Variants in GPX6 observed in about 807,000 individuals in gnomAD.
The protein encoded by GPX6 is glutathione peroxidase 6.
Under a neutral mutation model 20.0 loss-of-function variants are expected in GPX6, and 21 were observed. The observed-to-expected ratio is 1.05, with a 90% CI of 0.74 to 1.51. GPX6 has a LOEUF of 1.51. Ranked by LOEUF, GPX6 falls within the 40% of genes most tolerant of loss-of-function variation. GPX6 has a pLI of 0.00. For missense variants in GPX6, 233 were observed against 254.7 expected, an observed-to-expected ratio of 0.91 and a Z score of 0.58; for synonymous variants, 75 against 98.0, an observed-to-expected ratio of 0.77 and a Z score of 1.38.
At chr6:28,512,110 G>A (rs1762890040) in intron 1 of GPX6, among the ~76,000 whole-genome samples, 1 of 152,230 alleles carries the variant, frequency 6.6e-6, no homozygotes, top group Admixed American at 6.5e-5. Context: ...CCTCCCCGAC[G>A]AGCACCGCCC....
intron 2 of GPX6, 34 bp from the exon 3 acceptor site, chr6:28,506,463 G>T (rs1185505586): frequency 8.0e-7 from 1 of 1,244,182 alleles, no homozygotes; most frequent in Non-Finnish European, 1.2e-6. Context: ...GGGGTGGGCT[G>T]GTCAGGAGGC....
intron 1 of GPX6, among the ~76,000 whole-genome samples, chr6:28,512,192 C>T (rs778530279): frequency 1.3e-5 from 2 of 152,260 alleles, no homozygotes; most frequent in African/African-American, 2.4e-5. Flanking sequence ...GCGGGACTGG[C>T]AGGCAGCTCG....
chr6:28,504,188 G>T lies in GPX6; in HGVS notation c.*104C>A. The T allele has an allele frequency of 8.9e-7, 1 of 1,124,676 alleles. No individual in the cohort carries two copies. The highest frequency in any genetic ancestry group is 1.3e-6 in the Non-Finnish European group (1 of 764,652). 69.7% of individuals were successfully genotyped at this position (1,124,676 alleles called of 1,614,324 possible). A position where few individuals can be genotyped will look rare whatever the true frequency, so the allele number is the denominator to read the frequency against. On this transcript the variant is annotated 3_prime_UTR_variant, in exon 5 of 5. Transcript: ENST00000361902. ...GGATGGTTTGGTCATCAGGAGGCTG[G>T]GTAGGCACGAGTGTGGAGCAAAGAA...
In GPX6 at chr6:28,504,099, T is replaced by TACACACACACAC. The variant is rs55919532; in HGVS notation, c.*181_*192dup. ...CAACAAATACAATTCTACATATCCATACACACACACACACACACACACACA... is the reference window on the plus strand; with the variant it reads ...CAACAAATACAATTCTACATATCCATACACACACACACACACACACACACACACACACACACA... On this transcript the variant is annotated 3_prime_UTR_variant, in exon 5 of 5. Transcript: ENST00000361902. 4.7e-3 allele frequency: 2,652 copies of TACACACACACAC among 565,400 alleles called. 11 individuals carry two copies. Among genetic ancestry groups the TACACACACACAC allele is most frequent in the East Asian group, 0.033 (1,100 of 33,744 alleles). 35.0% of individuals were successfully genotyped at this position (565,400 alleles called of 1,614,324 possible).
At chr6:28,515,540 G>A in intron 1 of GPX6, 117 bp downstream of exon 1, 1 of 724,664 alleles carries the variant, frequency 1.4e-6, no homozygotes, top group Middle Eastern at 3.8e-4. Flanking sequence ...GTGAAGAAGG[G>A]CTGGGAATGC....
rs559263655 is a variant in GPX6, at chr6:28,503,608, C to G, written c.*684G>C. On this transcript the variant is annotated 3_prime_UTR_variant, in exon 5 of 5. Transcript: ENST00000361902. ...CCTGAATGCACTAAGGGACAGGCAC[C>G]AAGGAAGGCTCTGGCAGGGTGCGAC... 1 of 152,430 alleles carries G rather than the reference C, an allele frequency of 6.6e-6. No individual in the cohort carries two copies. Among genetic ancestry groups the G allele is most frequent in the African/African-American group, 2.4e-5 (1 of 41,546 alleles). The allele number at this position is 152,430 out of a possible 1,614,324, so 9.4% of individuals were successfully genotyped here. A position where few individuals can be genotyped will look rare whatever the true frequency, so the allele number is the denominator to read the frequency against.
chr6:28,507,953 TTGTGTA>T (rs1237093540), intron 2 of GPX6, among the ~76,000 whole-genome samples: 4 of 152,250 alleles, frequency 2.6e-5, no homozygotes, highest in Admixed American at 6.5e-5. Context: ...GTGTGTATGT[TTGTGTA>T]TGTGTATGTG....
At chr6:28,513,863 A>G (rs188254240) in intron 1 of GPX6, among the ~76,000 whole-genome samples, 29 of 152,290 alleles carry the variant, frequency 1.9e-4, no homozygotes, top group African/African-American at 6.7e-4. Context: ...ACTCTTTATC[A>G]TCTTCTGAGT....
intron 1 of GPX6, among the ~76,000 whole-genome samples, chr6:28,512,615 C>G (rs1049974125): frequency 9.2e-5 from 14 of 152,168 alleles, no homozygotes; most frequent in African/African-American, 2.4e-4. Context: ...AGGCGGCTGC[C>G]GGAGCCAGCA....
intron 2 of GPX6, among the ~76,000 whole-genome samples, chr6:28,508,448 T>G (rs1033105592): frequency 1.3e-5 from 2 of 152,132 alleles, no homozygotes; most frequent in African/African-American, 4.8e-5. Context: ...TTGTTTGGGC[T>G]CTTATAATAA....
chr6:28,513,283 C>G (rs1249919216), intron 1 of GPX6, among the ~76,000 whole-genome samples: 2 of 152,174 alleles, frequency 1.3e-5, no homozygotes, highest in Non-Finnish European at 2.9e-5. Flanking sequence ...ATGGAGCTAA[C>G]ACAAGCTGCC....
intron 1 of GPX6, among the ~76,000 whole-genome samples, chr6:28,513,034 T>G (rs1762932604): frequency 6.6e-6 from 1 of 152,056 alleles, no homozygotes; most frequent in Non-Finnish European, 1.5e-5. Flanking sequence ...ACCCACCAAT[T>G]TTGAACACAG....
At chr6:28,512,742 C>T (rs1433781251) in intron 1 of GPX6, among the ~76,000 whole-genome samples, 3 of 152,194 alleles carry the variant, frequency 2.0e-5, no homozygotes, top group South Asian at 4.1e-4. Flanking sequence ...AGCTGTAACA[C>T]TCACCGTGAA....
intron 2 of GPX6, among the ~76,000 whole-genome samples, chr6:28,510,381 C>T (rs918705846): frequency 3.3e-5 from 5 of 152,182 alleles, no homozygotes; most frequent in African/African-American, 1.2e-4. Flanking sequence ...TCCTTGAACT[C>T]GTCTCCAAAT....
chr6:28,512,700 T>G lies in GPX6; in HGVS notation c.88-1796A>C, dbSNP rs573871287. Among the ~76,000 whole-genome samples the G allele has an allele frequency of 3.2e-4, 49 of 152,308 alleles. 1 individual carries two copies. The South Asian group carries it at 0.01, about 32-fold the overall frequency. ...CGCTCTTTGCAATAAGTCTTGCTGC[T>G]GCTCATTCTTGGGGTCCACACTGCC... On this transcript the variant is annotated intron_variant, in intron 1 of 4. Transcript: ENST00000361902.
intron 3 of GPX6, 61 bp downstream of exon 3, chr6:28,506,251 A>G (rs923513792): frequency 8.4e-6 from 8 of 957,184 alleles, no homozygotes; most frequent in African/African-American, 8.0e-5. Flanking sequence ...GCAGGCATCT[A>G]GGTGGAATGA....
In GPX6 at chr6:28,515,727, TG is replaced by T; in HGVS notation, c.16del (p.Gln6ArgfsTer18). 6.2e-7 allele frequency: 1 copy of T among 1,613,746 alleles called. No homozygotes were observed. Among genetic ancestry groups the T allele is most frequent in the Non-Finnish European group, 8.5e-7 (1 of 1,179,696 alleles). MFQQF[Q>X]ASCLVLFFLV... ...GAAAAACAGGACAAGACAGGAGGCC[TG>T]GAACTGCTGGAACATGGCTAGGAGT... On this transcript the variant is annotated frameshift_variant, in exon 1 of 5. Transcript: ENST00000361902. LOFTEE classifies it high-confidence loss of function.
chr6:28,506,460 G>A (rs1164220400), intron 2 of GPX6, 31 bp from the exon 3 acceptor site: 1 of 1,343,416 alleles, frequency 7.4e-7, no homozygotes, highest in African/African-American at 1.4e-5. Flanking sequence ...GCAGGGGTGG[G>A]CTGGTCAGGA....
chr6:28,508,169 A>T (rs1024391138), intron 2 of GPX6, among the ~76,000 whole-genome samples: 4 of 152,228 alleles, frequency 2.6e-5, no homozygotes, highest in African/African-American at 9.6e-5. Context: ...AATTTAAGTT[A>T]AAATTAAATT....
Sources: allele counts gnomAD v4.1 joint callset (sites outside exome capture counted in the v4.1 genomes callset), GRCh38; gene constraint gnomAD v4.1.1; transcripts MANE v1.5; gene names NCBI Gene and HGNC (gene_info 2026-07-23, HGNC 2026-07-21).